Variants in YJU2 observed in about 807,000 individuals in gnomAD.
The protein encoded by YJU2 is YJU2 splicing factor homolog, also known as splicing factor YJU2.
A neutral mutation model predicts 39.6 loss-of-function variants in YJU2; 28 were observed. The ratio of observed to expected loss-of-function variants is 0.71; its 90% confidence interval spans 0.52 to 0.97. YJU2 has a LOEUF of 0.97. Among genes scored for constraint, YJU2 ranks in the 50% least tolerant of loss-of-function variants. YJU2 has a pLI of 0.00. For synonymous variants in YJU2, 184 were observed against 182.4 expected (o/e 1.01, Z -0.07); for missense variants, 328 against 430.4 (o/e 0.76, Z 2.11).
chr19:4,252,694 G>A (rs1450864795), intron 3 of YJU2, among the ~76,000 whole-genome samples: 7 of 152,086 alleles, frequency 4.6e-5, no homozygotes, highest in Non-Finnish European at 1.5e-5. Context: ...AGAGGTCAAG[G>A]GAGAAGGATC....
At chr19:4,255,126 A>G (rs1971009139) in intron 4 of YJU2, among the ~76,000 whole-genome samples, 1 of 151,678 alleles carries the variant, frequency 6.6e-6, no homozygotes, top group East Asian at 1.9e-4. Flanking sequence ...TGGGAGGCTG[A>G]GGCAGGAGAA....
chr19:4,258,581 A>C (rs1198366074), intron 5 of YJU2, among the ~76,000 whole-genome samples, 158 bp downstream of exon 5: 3 of 152,086 alleles, frequency 2.0e-5, no homozygotes, highest in Non-Finnish European at 4.4e-5. Context: ...GCGTCTCTCG[A>C]GGGGGTCCCA....
chr19:4,264,118 C>T (rs7246219), intron 6 of YJU2, among the ~76,000 whole-genome samples: 12 of 150,946 alleles, frequency 7.9e-5, no homozygotes, highest in Admixed American at 2.7e-4. Context: ...AAAAATTAGC[C>T]GGGCGTGGTG....
chr19:4,253,552 G>T (rs1427875146), intron 3 of YJU2, among the ~76,000 whole-genome samples: 1 of 152,094 alleles, frequency 6.6e-6, no homozygotes, highest in Non-Finnish European at 1.5e-5. Context: ...CTGCACTCCG[G>T]CCTGGGCAAC....
intron 4 of YJU2, among the ~76,000 whole-genome samples, chr19:4,256,215 CACATATACATATATAT>C (rs1326925045): frequency 6.1e-5 from 9 of 148,034 alleles, no homozygotes; most frequent in Middle Eastern, 3.5e-3. Flanking sequence ...TATGTACACA[CACATATACATATATAT>C]ACATACACAT....
At position 4,267,606 on chromosome 19, in the gene YJU2, T is replaced by G; in HGVS notation, c.709-18T>G. ...TGGATCCGGGCCAGACCCCCACATG[T>G]GTCCCCATCACCTGCAGGCCCCAAA... On this transcript the variant is annotated intron_variant, in intron 6 of 7. Transcript: ENST00000262962. The G allele has an allele frequency of 6.2e-7, 1 of 1,609,846 alleles. No individual in the cohort carries two copies. The highest frequency in any genetic ancestry group is 8.5e-7 in the Non-Finnish European group (1 of 1,178,186).
intron 5 of YJU2, among the ~76,000 whole-genome samples, chr19:4,261,415 C>T (rs1971069571): frequency 1.3e-5 from 2 of 151,958 alleles, no homozygotes; most frequent in Non-Finnish European, 2.9e-5. Context: ...CGCTTGAACC[C>T]AGGAGGCGGA....
chr19:4,260,740 A>G (rs1277627135), intron 5 of YJU2, among the ~76,000 whole-genome samples: 2 of 151,670 alleles, frequency 1.3e-5, no homozygotes, highest in African/African-American at 2.4e-5. Flanking sequence ...GATGACAGGC[A>G]TGAGCCACTG....
intron 5 of YJU2, 23 bp from the exon 6 acceptor site, chr19:4,261,971 A>G (rs767219903): frequency 8.1e-6 from 13 of 1,611,206 alleles, no homozygotes; most frequent in Non-Finnish European, 1.1e-5. Flanking sequence ...AGCACGTCCA[A>G]GTTCCCATCT....
rs1205996766 is a variant in YJU2 at position 4,265,559 on chromosome 19, C to T, written c.709-2065C>T. Among the ~76,000 whole-genome samples the T allele has an allele frequency of 2.0e-5, 3 of 150,470 alleles. No homozygotes were observed. In the East Asian group the frequency reaches 5.9e-4, roughly 30 times the overall value. On this transcript the variant is annotated intron_variant, in intron 6 of 7. Transcript: ENST00000262962. ...AGTTTAGTTTAATGATGATGAGTAC[C>T]ACCTGTAGAAACAGGTTTGGGAACT...
intron 4 of YJU2, 130 bp downstream of exon 4, chr19:4,254,619 C>T (rs1971004498): frequency 1.5e-6 from 2 of 1,335,448 alleles, no homozygotes; most frequent in East Asian, 2.6e-5. Flanking sequence ...GTTGGTAAAA[C>T]TTTAAGATGT....
chr19:4,252,674 C>A (rs990396320), intron 3 of YJU2, among the ~76,000 whole-genome samples: 3 of 151,998 alleles, frequency 2.0e-5, no homozygotes, highest in Non-Finnish European at 4.4e-5. Context: ...CCTGTAATCC[C>A]AACACTTTGA....
chr19:4,264,339 A>C (rs1971099305), intron 6 of YJU2, among the ~76,000 whole-genome samples: 1 of 145,742 alleles, frequency 6.9e-6, no homozygotes. Context: ...ACAGGGTCTT[A>C]CTCTGTTGCC....
chr19:4,266,280 C>A (rs373415623), intron 6 of YJU2, among the ~76,000 whole-genome samples: 2 of 152,212 alleles, frequency 1.3e-5, no homozygotes, highest in African/African-American at 2.4e-5. Context: ...GGCCTCTCCA[C>A]CACCTTAGCA....
At chr19:4,258,458 G>A (rs1021474866) in intron 5 of YJU2, 35 bp downstream of exon 5, 28 of 1,548,536 alleles carry the variant, frequency 1.8e-5, no homozygotes, top group Non-Finnish European at 2.1e-5. Context: ...GCCCCACCTC[G>A]CAGCCTCTGC....
chr19:4,247,574 GGGT>G lies in YJU2; in HGVS notation c.24+407_24+409del, dbSNP rs1345108021. Among the ~76,000 whole-genome samples, 12 of 81,644 alleles carry G rather than the reference GGGT, an allele frequency of 1.5e-4. 2 individuals carry two copies. Among genetic ancestry groups the G allele is most frequent in the African/African-American group, 4.7e-4 (4 of 8,430 alleles). The allele number at this position is 81,644 out of a possible 152,430, so 53.6% of individuals were successfully genotyped here. ...CGTGTACTTTGGGTGGGGTGGGGTG[GGGT>G]GGCGCGTGTGTGTGTGTGTGTGTGT... On this transcript the variant is annotated intron_variant, in intron 1 of 7. Transcript: ENST00000262962.
At chr19:4,268,446 T>A in intron 7 of YJU2, 138 bp from the exon 8 acceptor site, 1 of 613,764 alleles carries the variant, frequency 1.6e-6, no homozygotes. Flanking sequence ...TCCCATCAGG[T>A]GCCATCCAGA....
chr19:4,259,311 C>T (rs1009281387), intron 5 of YJU2, among the ~76,000 whole-genome samples: 8 of 151,922 alleles, frequency 5.3e-5, no homozygotes, highest in African/African-American at 1.7e-4. Context: ...GATCTCCTGA[C>T]CTCGTGATCC....
chr19:4,263,602 G>C (rs2144698675), intron 6 of YJU2, among the ~76,000 whole-genome samples: 1 of 152,166 alleles, frequency 6.6e-6, no homozygotes, highest in East Asian at 1.9e-4. Context: ...CTGAGGTCAG[G>C]AGTTCGAGAC....
Sources: allele counts gnomAD v4.1 joint callset (sites outside exome capture counted in the v4.1 genomes callset), GRCh38; gene constraint gnomAD v4.1.1; transcripts MANE v1.5; gene names NCBI Gene and HGNC (gene_info 2026-07-23, HGNC 2026-07-21).